FABP12: variants seen among roughly 807,000 people sequenced by gnomAD.
FABP12 encodes the protein fatty acid binding protein 12.
A neutral mutation model predicts 13.7 loss-of-function variants in FABP12; 19 were observed. The observed-to-expected ratio is 1.39, with a 90% CI of 0.97 to 2.04. The LOEUF (loss-of-function observed/expected upper bound fraction) is 2.04, where lower values mean the gene tolerates loss of function less well. Among genes scored for constraint, FABP12 ranks in the 30% most tolerant of loss-of-function variants. The pLI is 0.00. For missense variants in FABP12, 182 were observed against 164.2 expected (o/e 1.11, Z -0.59); for synonymous variants, 61 against 57.0 (o/e 1.07, Z -0.32).
chr8:81,537,398 A>G (rs1202902247), upstream of FABP12, among the ~76,000 whole-genome samples: 3 of 152,148 alleles, frequency 2.0e-5, no homozygotes, highest in Non-Finnish European at 4.4e-5. Context: ...CAGTAGCTAT[A>G]AAATTCTTCT....
At chr8:81,541,816 G>A (rs1302914087) in intron 1 of FABP12, among the ~76,000 whole-genome samples, 1 of 141,468 alleles carries the variant, frequency 7.1e-6, no homozygotes, top group Non-Finnish European at 1.5e-5. Flanking sequence ...ATCCGACCAT[G>A]ACTTGGAAGT....
At chr8:81,573,932 C>T (rs763010605) in intron 1 of FABP12, among the ~76,000 whole-genome samples, 1 of 151,912 alleles carries the variant, frequency 6.6e-6, no homozygotes, top group Admixed American at 6.6e-5. Flanking sequence ...TTTACTGAAT[C>T]GGATGGCTTA....
chr8:81,538,364 C>T (rs1428484804), upstream of FABP12, among the ~76,000 whole-genome samples: 1 of 152,192 alleles, frequency 6.6e-6, no homozygotes, highest in Non-Finnish European at 1.5e-5. Flanking sequence ...AAGATACGTT[C>T]AAGCCTTAAT....
intron 1 of FABP12, among the ~76,000 whole-genome samples, chr8:81,586,914 T>C (rs1810248643): frequency 6.6e-6 from 1 of 152,234 alleles, no homozygotes. Flanking sequence ...TCTTGGATTT[T>C]TATCGTTTTG....
chr8:81,550,390 G>T (rs541197366), intron 1 of FABP12, among the ~76,000 whole-genome samples: 1 of 152,288 alleles, frequency 6.6e-6, no homozygotes, highest in Admixed American at 6.5e-5. Context: ...CTTTGTTGGT[G>T]CTTGATTTCT....
At chr8:81,573,617 T>G (rs771163180) in intron 1 of FABP12, among the ~76,000 whole-genome samples, 1 of 152,214 alleles carries the variant, frequency 6.6e-6, no homozygotes, top group African/African-American at 2.4e-5. Flanking sequence ...GTGTCGGCTA[T>G]GATTTCTTTC....
chr8:81,550,926 T>C (rs1316900547), intron 1 of FABP12, among the ~76,000 whole-genome samples: 1 of 152,200 alleles, frequency 6.6e-6, no homozygotes, highest in Non-Finnish European at 1.5e-5. Context: ...ACTTTTCTTA[T>C]TTGTATGGCC....
At chr8:81,541,115 G>A (rs370996815) in intron 1 of FABP12, among the ~76,000 whole-genome samples, 14 of 149,276 alleles carry the variant, frequency 9.4e-5, no homozygotes, top group Admixed American at 3.3e-4. Flanking sequence ...GCAGTGAGCC[G>A]AGATCACGCC....
chr8:81,526,764 A>C (rs937898759), intron 4 of FABP12, among the ~76,000 whole-genome samples: 2 of 152,200 alleles, frequency 1.3e-5, no homozygotes, highest in Non-Finnish European at 2.9e-5. Context: ...GCACAAATAC[A>C]TGCTTGCTTT....
chr8:81,530,562 T>A (rs1809041073), intron 2 of FABP12, among the ~76,000 whole-genome samples: 1 of 152,200 alleles, frequency 6.6e-6, no homozygotes, highest in African/African-American at 2.4e-5. Flanking sequence ...TATAATGTAG[T>A]TCATGGAATT....
chr8:81,527,165 T>G (rs1808924371), intron 3 of FABP12, 44 bp from the exon 4 acceptor site: 1 of 1,163,304 alleles, frequency 8.6e-7, no homozygotes, highest in South Asian at 1.4e-5. Flanking sequence ...TTGTCATATT[T>G]CAACATTAAA....
In FABP12 at chr8:81,562,393, G is replaced by A. The variant is rs963363079; in HGVS notation, c.-184-22650C>T. 3.9e-5 allele frequency among the ~76,000 whole-genome samples: 6 copies of A among 152,090 alleles called. No individual in the cohort carries two copies. The South Asian group carries it at 1.0e-3, about 26-fold the overall frequency. ...ACCCCTTCTGCTTGAGAAAAAGAGA[G>A]GGAAAAGTAAAGGGACTTCGTCTTG... is the stretch of plus-strand genomic sequence containing the variant. On this transcript the variant is annotated intron_variant, in intron 1 of 5. Transcript: ENST00000692030.
chr8:81,588,926 G>A (rs1007465538), intron 1 of FABP12, among the ~76,000 whole-genome samples: 6 of 152,132 alleles, frequency 3.9e-5, no homozygotes, highest in African/African-American at 1.4e-4. Context: ...AGTGAATCAC[G>A]GGAGCTTTAA....
chr8:81,575,076 G>C (rs1357788932), intron 1 of FABP12, among the ~76,000 whole-genome samples: 2 of 152,094 alleles, frequency 1.3e-5, no homozygotes, highest in South Asian at 2.1e-4. Flanking sequence ...CAGTCTTTTT[G>C]ATGTAGGTAT....
At position 81,559,508 on chromosome 8, in the gene FABP12, A is replaced by C. The variant is rs78691711; in HGVS notation, c.-184-19765T>G. Among the ~76,000 whole-genome samples, 1,181 of 152,230 alleles carry C rather than the reference A, an allele frequency of 7.8e-3. 13 individuals are homozygous for C. The highest frequency in any genetic ancestry group is 0.027 in the African/African-American group (1,133 of 41,536). ...GGTGATCGGGGGCTGGTCCAAATGG[A>C]GCCAACAGTGATGTGATGGAAATGA... On this transcript the variant is annotated intron_variant, in intron 1 of 5. Transcript: ENST00000692030.
chr8:81,551,398 C>T (rs1809520908), intron 1 of FABP12, among the ~76,000 whole-genome samples: 1 of 152,176 alleles, frequency 6.6e-6, no homozygotes, highest in African/African-American at 2.4e-5. Flanking sequence ...AGTGTTTTGA[C>T]TCTGGGAAGA....
exon 5 of FABP12, chr8:81,525,059 A>T (rs1808853655): frequency 6.3e-7 from 1 of 1,596,920 alleles, no homozygotes; most frequent in African/African-American, 1.3e-5. Flanking sequence ...AGAGTTTGAG[A>T]CTGAGTTTGA....
At chr8:81,559,093 T>G (rs1809671748) in intron 1 of FABP12, among the ~76,000 whole-genome samples, 2 of 152,154 alleles carry the variant, frequency 1.3e-5, no homozygotes, top group Admixed American at 6.5e-5. Context: ...TACCATATCT[T>G]GTTCTCTGAG....
exon 2 of FABP12, chr8:81,531,385 TG>T: frequency 9.6e-7 from 1 of 1,040,226 alleles, no homozygotes; most frequent in Non-Finnish European, 1.4e-6. Context: ...TGAAGTAGTA[TG>T]GGAACTTGTT....
Sources: allele counts gnomAD v4.1 joint callset (sites outside exome capture counted in the v4.1 genomes callset), GRCh38; gene constraint gnomAD v4.1.1; transcripts MANE v1.5; gene names NCBI Gene and HGNC (gene_info 2026-07-23, HGNC 2026-07-21).